CSMD1: variants seen among roughly 807,000 people sequenced by gnomAD.
CSMD1 encodes the protein CUB and sushi domain-containing protein 1.
A neutral mutation model predicts 417.5 loss-of-function variants in CSMD1; 213 were observed. That is an observed-to-expected ratio of 0.51 (90% CI 0.46 to 0.57). The LOEUF is 0.57. Among genes scored for constraint, CSMD1 ranks in the 20% least tolerant of loss-of-function variants. CSMD1 has a pLI of 0.00. For missense variants in CSMD1, 6,923 were observed against 4,529.7 expected, an observed-to-expected ratio of 1.53 and a Z score of -15.17; for synonymous variants, 2,862 against 1,736.8, an observed-to-expected ratio of 1.65 and a Z score of -16.11.
intron 7 of CSMD1, among the ~76,000 whole-genome samples, chr8:3,702,651 T>C (rs949964535): frequency 6.6e-6 from 1 of 152,130 alleles, no homozygotes; most frequent in African/African-American, 2.4e-5. Context: ...TCCAACATGG[T>C]GAAACCCCAT....
At chr8:4,463,954 C>T (rs536433567) in intron 2 of CSMD1, among the ~76,000 whole-genome samples, 3 of 151,924 alleles carry the variant, frequency 2.0e-5, no homozygotes, top group Admixed American at 6.6e-5. Flanking sequence ...GAGAACAGAG[C>T]GCAATATGGG....
intron 2 of CSMD1, among the ~76,000 whole-genome samples, chr8:4,542,728 G>T (rs1431015419): frequency 2.6e-5 from 4 of 152,002 alleles, no homozygotes; most frequent in African/African-American, 9.7e-5. Context: ...TAATTCAATG[G>T]ATGGTCATGA....
chr8:4,545,912 A>G (rs1797609442), intron 2 of CSMD1, among the ~76,000 whole-genome samples: 1 of 151,922 alleles, frequency 6.6e-6, no homozygotes, highest in Admixed American at 6.6e-5. Context: ...TTTCTCCATC[A>G]TCTAATCACA....
At chr8:3,995,601 G>C (rs1015409816) in intron 5 of CSMD1, among the ~76,000 whole-genome samples, 29 of 152,196 alleles carry the variant, frequency 1.9e-4, no homozygotes, top group African/African-American at 6.8e-4. Flanking sequence ...CCTGAGCTCT[G>C]CCAAGGGCTC....
chr8:4,724,449 T>C (rs1809277918), intron 1 of CSMD1, among the ~76,000 whole-genome samples: 1 of 151,938 alleles, frequency 6.6e-6, no homozygotes, highest in Non-Finnish European at 1.5e-5. Flanking sequence ...TCAAATATAA[T>C]ATTTACATTA....
intron 12 of CSMD1, among the ~76,000 whole-genome samples, chr8:3,414,420 A>C (rs1047598808): frequency 6.6e-6 from 1 of 151,956 alleles, no homozygotes; most frequent in Admixed American, 6.6e-5. Flanking sequence ...CTGTTGCTCT[A>C]GCTATATTCC....
chr8:3,308,779 A>C (rs1363102870), intron 23 of CSMD1, among the ~76,000 whole-genome samples: 1 of 131,856 alleles, frequency 7.6e-6, no homozygotes, highest in East Asian at 2.4e-4. Flanking sequence ...GCTGGAGTGC[A>C]ATGGCGTGAT....
chr8:4,296,432 A>T (rs936951481), intron 3 of CSMD1, among the ~76,000 whole-genome samples: 1 of 152,234 alleles, frequency 6.6e-6, no homozygotes, highest in Non-Finnish European at 1.5e-5. Context: ...AGTGTGAGAT[A>T]GCATGGCATT....
At chr8:3,302,870 A>T (rs73660639) in intron 25 of CSMD1, among the ~76,000 whole-genome samples, 17,849 of 152,070 alleles carry the variant, frequency 0.12, 1,126 homozygotes, top group African/African-American at 0.15. Context: ...TGAAAATATG[A>T]GTCAGAACTT....
chr8:4,786,793 A>G (rs1249493284), intron 1 of CSMD1, among the ~76,000 whole-genome samples: 3 of 152,174 alleles, frequency 2.0e-5, no homozygotes, highest in Non-Finnish European at 4.4e-5. Context: ...ATGCATACAT[A>G]GATTTGTCAA....
intron 50 of CSMD1, among the ~76,000 whole-genome samples, chr8:3,036,172 G>C (rs1363080345): frequency 6.6e-6 from 1 of 152,098 alleles, no homozygotes; most frequent in South Asian, 2.1e-4. Context: ...CCTTTAATTT[G>C]GCCGTGAGTA....
intron 5 of CSMD1, among the ~76,000 whole-genome samples, chr8:3,833,764 G>C (rs533959931): frequency 6.6e-6 from 1 of 152,074 alleles, no homozygotes; most frequent in Non-Finnish European, 1.5e-5. Context: ...ATGTGGCCCT[G>C]GTTCTCTTCT....
chr8:4,421,763 C>A (rs750493770), intron 2 of CSMD1, among the ~76,000 whole-genome samples: 7 of 150,948 alleles, frequency 4.6e-5, no homozygotes, highest in Non-Finnish European at 7.4e-5. Flanking sequence ...ATTCTTATTG[C>A]AAGAACTATA....
chr8:4,900,650 C>T (rs1042018247), intron 1 of CSMD1, among the ~76,000 whole-genome samples: 3 of 152,172 alleles, frequency 2.0e-5, no homozygotes, highest in East Asian at 1.9e-4. Flanking sequence ...CTCCTGTACT[C>T]GCCCTACTCT....
chr8:4,466,965 G>C (rs141287331), intron 2 of CSMD1, among the ~76,000 whole-genome samples: 6 of 151,802 alleles, frequency 4.0e-5, no homozygotes, highest in Middle Eastern at 3.4e-3. Context: ...CCTTCCCTTA[G>C]CTGTAAGGAA....
intron 7 of CSMD1, among the ~76,000 whole-genome samples, chr8:3,651,051 G>T (rs1014570359): frequency 6.6e-6 from 1 of 152,098 alleles, no homozygotes; most frequent in African/African-American, 2.4e-5. Context: ...TTACCCACCA[G>T]AATATCCCAT....
intron 1 of CSMD1, among the ~76,000 whole-genome samples, chr8:4,667,230 C>T (rs1447834184): frequency 2.6e-5 from 4 of 151,984 alleles, no homozygotes; most frequent in African/African-American, 7.3e-5. Context: ...TCATGTTTTC[C>T]AATACCACAG....
chr8:3,694,486 C>G (rs919474335), intron 7 of CSMD1, among the ~76,000 whole-genome samples: 4 of 152,142 alleles, frequency 2.6e-5, no homozygotes, highest in Non-Finnish European at 4.4e-5. Flanking sequence ...AAAACACCAT[C>G]TGGGAAAGCA....
chr8:3,362,727 C>A (rs7350119), intron 20 of CSMD1, among the ~76,000 whole-genome samples: 31,503 of 152,068 alleles, frequency 0.21, 3,310 homozygotes, highest in Middle Eastern at 0.24. Flanking sequence ...GTGGTTTTCA[C>A]GTAAAACAGA....
Sources: allele counts gnomAD v4.1 joint callset (sites outside exome capture counted in the v4.1 genomes callset), GRCh38; gene constraint gnomAD v4.1.1; transcripts MANE v1.5; gene names NCBI Gene and HGNC (gene_info 2026-07-23, HGNC 2026-07-21).